Variants in ABCA5 observed in about 807,000 individuals in gnomAD.
ABCA5 encodes the protein cholesterol transporter ABCA5.
A neutral mutation model predicts 206.0 loss-of-function variants in ABCA5; 163 were observed. That is an observed-to-expected ratio of 0.79 (90% CI 0.70 to 0.90). The LOEUF (loss-of-function observed/expected upper bound fraction) is 0.90, where lower values mean the gene tolerates loss of function less well. ABCA5 is among the 40% of genes least tolerant of loss of function. The probability of loss-of-function intolerance (pLI) is 0.00; values close to 1 mark genes in which losing one functional copy is unlikely to be tolerated. For missense variants in ABCA5, 1,859 were observed against 1,912.9 expected, an observed-to-expected ratio of 0.97 and a Z score of 0.53; for synonymous variants, 609 against 613.8, an observed-to-expected ratio of 0.99 and a Z score of 0.11.
intron 1 of ABCA5, among the ~76,000 whole-genome samples, chr17:69,321,006 A>T (rs758007749): frequency 5.3e-5 from 8 of 152,162 alleles, no homozygotes; most frequent in South Asian, 2.1e-4. Context: ...AAGATAGAAT[A>T]AAAAAAGGGG....
At chr17:69,303,507 T>C (rs564606046) in intron 7 of ABCA5, among the ~76,000 whole-genome samples, 96 of 151,574 alleles carry the variant, frequency 6.3e-4, no homozygotes, top group Non-Finnish European at 1.3e-3. Context: ...AATAGCCATG[T>C]GTTTCTGCAG....
intron 1 of ABCA5, among the ~76,000 whole-genome samples, chr17:69,322,720 G>A (rs1034179695): frequency 1.3e-5 from 2 of 151,688 alleles, no homozygotes; most frequent in African/African-American, 4.9e-5. Flanking sequence ...CTGCACAGCA[G>A]AGGAGGTACT....
At position 69,261,709 on chromosome 17, in the gene ABCA5, A is replaced by G. The variant is rs747406390; in HGVS notation, c.3355T>C (p.Phe1119Leu). 2.0e-5 allele frequency: 31 copies of G among 1,512,814 alleles called. No homozygotes were observed. The highest frequency in any genetic ancestry group is 2.7e-5 in the Non-Finnish European group (30 of 1,129,146). The allele number at this position is 1,512,814 out of a possible 1,614,324, so 93.7% of individuals were successfully genotyped here. The change falls in exon 25 of 39, where the codon TTC becomes CTC. Residue 1119 changes from phenylalanine to leucine, a missense_variant. Transcript: ENST00000392676. ...AAGGTGAAAGAAGCAATATAAGTGA[A>G]CAGAATAACTGATGGAACATAACCA... The part of the protein sequence containing the change: ...LIGYVPSVIL[F>L]TYIASFTFKK...
chr17:69,306,920 T>A lies in ABCA5; in HGVS notation c.593A>T (p.Glu198Val). The A allele has an allele frequency of 6.4e-7, 1 of 1,567,306 alleles. No individual in the cohort carries two copies. The highest frequency in any genetic ancestry group is 8.6e-7 in the Non-Finnish European group (1 of 1,160,322). ...KTNVSLWKEL[E>V]STKAVIMGET... ...TCCCATAATAACAGCTTTAGTTGAC[T>A]CCAGCTCCTTCCAAAGAGAAACATT... The change falls in exon 6 of 39, where the codon GAG (glutamate) becomes GTG (valine). Residue 198 changes from glutamate to valine, a missense_variant. By Grantham distance (121) the Glu-to-Val change is moderately radical. Transcript: ENST00000392676.
At chr17:69,273,659 T>C (rs2075298831) in intron 20 of ABCA5, among the ~76,000 whole-genome samples, 1 of 152,032 alleles carries the variant, frequency 6.6e-6, no homozygotes. Flanking sequence ...TTTCACCGTG[T>C]TAGCCAGGAT....
chr17:69,320,300 G>C (rs904484648), intron 1 of ABCA5, among the ~76,000 whole-genome samples: 1 of 152,102 alleles, frequency 6.6e-6, no homozygotes, highest in African/African-American at 2.4e-5. Flanking sequence ...ATTTAAAGAC[G>C]AATTAGTGAG....
At chr17:69,250,426 A>G (rs937262852) in intron 36 of ABCA5, 46 bp downstream of exon 36, 2 of 1,541,244 alleles carry the variant, frequency 1.3e-6, no homozygotes, top group Non-Finnish European at 1.7e-6. Flanking sequence ...ACTTTTTATA[A>G]CCTTTGCTCT....
intron 37 of ABCA5, 46 bp from the exon 38 acceptor site, chr17:69,248,363 A>C (rs1208160613): frequency 8.5e-7 from 1 of 1,175,718 alleles, no homozygotes; most frequent in African/African-American, 1.6e-5. Flanking sequence ...TATCTGAAAA[A>C]AATGGCAATA....
At chr17:69,294,822 A>AAAT (rs1324396109) in intron 10 of ABCA5, 109 bp from the exon 11 acceptor site, 1 of 615,134 alleles carries the variant, frequency 1.6e-6, no homozygotes, top group Non-Finnish European at 2.6e-6. Context: ...AAGAATAATA[A>AAAT]AATAATAATA....
chr17:69,307,847 C>G (rs912183208), intron 5 of ABCA5, among the ~76,000 whole-genome samples: 7 of 151,898 alleles, frequency 4.6e-5, no homozygotes. Context: ...GTTTAGCAGA[C>G]AAGATGGTTG....
chr17:69,267,407 C>T (rs909090128), intron 23 of ABCA5, among the ~76,000 whole-genome samples: 1 of 152,076 alleles, frequency 6.6e-6, no homozygotes. Context: ...AAGGGAAAGG[C>T]GTAAAAAGAA....
At chr17:69,291,910 C>T (rs1174452231) in intron 11 of ABCA5, among the ~76,000 whole-genome samples, 1 of 151,840 alleles carries the variant, frequency 6.6e-6, no homozygotes, top group African/African-American at 2.4e-5. Flanking sequence ...CCCAGGAGTT[C>T]GAGACTAGCC....
intron 6 of ABCA5, among the ~76,000 whole-genome samples, 200 bp from the exon 7 acceptor site, chr17:69,305,010 G>A (rs1219837968): frequency 6.6e-6 from 1 of 152,076 alleles, no homozygotes; most frequent in Non-Finnish European, 1.5e-5. Flanking sequence ...ATAGGTAAAA[G>A]TGTAATCTGA....
rs1178684989 is a variant in ABCA5 at position 69,326,704 on chromosome 17, G to A, written c.-16+348C>T. 6.6e-6 allele frequency among the ~76,000 whole-genome samples: 1 copy of A among 152,188 alleles called. No homozygotes were observed. Among genetic ancestry groups the A allele is most frequent in the Non-Finnish European group, 1.5e-5 (1 of 68,030 alleles). On this transcript the variant is annotated intron_variant, in intron 1 of 38. Coordinates refer to ENST00000392676, the MANE Select transcript of ABCA5 (RefSeq NM_172232.4). The surrounding 1 kb of genome is among the most constrained non-coding windows in gnomAD (Gnocchi z 4.8). ...GCTGAGGGTGGAACGACAGCGTCCAGGCAAAGGCAGTGTCCCGAAGTCCCA... is the reference window on the plus strand; with the variant it reads ...GCTGAGGGTGGAACGACAGCGTCCAAGCAAAGGCAGTGTCCCGAAGTCCCA...
Position 69,255,849 on chromosome 17 carries a change from T to C in ABCA5, c.3860A>G (p.Lys1287Arg), listed in dbSNP as rs557070265. The change falls in exon 30 of 39, where the codon AAA becomes AGA. Residue 1287 changes from lysine (K) to arginine (R), a missense_variant and splice_region_variant. Physicochemically the swap from Lys to Arg is conservative, Grantham distance 26. Transcript: ENST00000392676. ...ELMGCQCCEE[K>R]PSIMVSNLHK... is the part of the protein sequence containing the mutation. ...CAAATTGCTGACCATAATGGATGGTTTCTAATAAGAAAAATTGTATTTAAA... is the reference window on the plus strand; with the variant it reads ...CAAATTGCTGACCATAATGGATGGTCTCTAATAAGAAAAATTGTATTTAAA... The C allele has an allele frequency of 2.0e-5, 31 of 1,543,946 alleles. No individual in the cohort carries two copies. The Admixed American group carries it at 4.0e-4, about 20-fold the overall frequency.
intron 3 of ABCA5, among the ~76,000 whole-genome samples, chr17:69,310,410 G>C (rs1041525536): frequency 6.6e-6 from 1 of 151,996 alleles, no homozygotes; most frequent in Admixed American, 6.6e-5. Flanking sequence ...GGACTAGTTG[G>C]GATTACAGGC....
intron 7 of ABCA5, 53 bp downstream of exon 7, chr17:69,304,616 G>A (rs1031222162): frequency 1.4e-6 from 2 of 1,413,004 alleles, no homozygotes; most frequent in Admixed American, 2.7e-5. Context: ...ACTTTGCTAT[G>A]TTATCAAACA....
intron 31 of ABCA5, among the ~76,000 whole-genome samples, chr17:69,254,809 C>G (rs2075056111): frequency 6.6e-6 from 1 of 152,096 alleles, no homozygotes; most frequent in African/African-American, 2.4e-5. Context: ...CAGGAATGAG[C>G]CACTGCACCC....
At chr17:69,312,933 G>C (rs1198013641) in intron 3 of ABCA5, among the ~76,000 whole-genome samples, 159 bp downstream of exon 3, 3 of 151,584 alleles carry the variant, frequency 2.0e-5, no homozygotes, top group Non-Finnish European at 4.4e-5. Flanking sequence ...AGAAAAATAA[G>C]GCAACAGAAT....
Sources: allele counts gnomAD v4.1 joint callset (sites outside exome capture counted in the v4.1 genomes callset), GRCh38; gene constraint gnomAD v4.1.1; non-coding constraint Gnocchi (gnomAD v3.1); transcripts MANE v1.5; gene names NCBI Gene and HGNC (gene_info 2026-07-23, HGNC 2026-07-21).